KDM5A: variants seen among roughly 807,000 people sequenced by gnomAD.
The protein encoded by KDM5A is lysine-specific demethylase 5A.
A neutral mutation model predicts 193.5 loss-of-function variants in KDM5A; 42 were observed. The observed-to-expected ratio is 0.22, with a 90% CI of 0.17 to 0.28. The LOEUF is 0.28. KDM5A is among the 10% of genes least tolerant of loss of function. The probability of loss-of-function intolerance (pLI) is 1.00; values close to 1 mark genes in which losing one functional copy is unlikely to be tolerated. For synonymous variants in KDM5A, 796 were observed against 718.1 expected, an observed-to-expected ratio of 1.11 and a Z score of -1.73; for missense variants, 1,692 against 2,055.1, an observed-to-expected ratio of 0.82 and a Z score of 3.42.
Position 289,903 on chromosome 12 carries a change from C to CTTTTTTTTTTTTT in KDM5A, c.4866+2855_4866+2856insAAAAAAAAAAAAA, listed in dbSNP as rs1943269398. 2.8e-5 allele frequency among the ~76,000 whole-genome samples: 3 copies of CTTTTTTTTTTTTT among 106,736 alleles called. 1 individual carries two copies. The highest frequency in any genetic ancestry group is 1.2e-4 in the African/African-American group (3 of 25,138). 70.0% of individuals were successfully genotyped at this position (106,736 alleles called of 152,430 possible). On this transcript the variant is annotated intron_variant, in intron 27 of 27. Coordinates refer to ENST00000399788, the MANE Select transcript of KDM5A (RefSeq NM_001042603.3). Reference sequence around the variant, plus strand: ...GGCTAAAAAGCATGATTTTTTCTTTCTTTCTTTTTTTTTTTTTTTTTTTTT... The same window carrying CTTTTTTTTTTTTT: ...GGCTAAAAAGCATGATTTTTTCTTTCTTTTTTTTTTTTTTTTCTTTTTTTTTTTTTTTTTTTTT...
rs1241033764 is a variant in KDM5A, at chr12:309,897, T to C, written c.3284A>G (p.Glu1095Gly). ...CTTTTCTTTTTCTTTTTCTATTAGT[T>C]CTTTTACTTTTTTCCTCCTATTTTT... Reference protein sequence around the residue: ...SGKNRRKKVKELIEKEKEKDL... With the variant: ...SGKNRRKKVKGLIEKEKEKDL... The change falls in exon 22 of 28, where the codon GAA becomes GGA. Residue 1095 changes from glutamate (E) to glycine (G), a missense_variant. By Grantham distance (98) the Glu-to-Gly change is moderately conservative (BLOSUM62 -2). Transcript: ENST00000399788. The C allele has an allele frequency of 2.5e-6, 4 of 1,613,566 alleles. No individual in the cohort carries two copies. Among genetic ancestry groups the C allele is most frequent in the Admixed American group, 1.7e-5 (1 of 59,968 alleles).
chr12:339,814 C>T (rs1357205429), intron 10 of KDM5A, among the ~76,000 whole-genome samples: 2 of 151,728 alleles, frequency 1.3e-5, no homozygotes, highest in East Asian at 1.9e-4. Context: ...ATAACCTCCA[C>T]CTACACCAAA....
At chr12:375,797 C>T (rs1376795767) in intron 3 of KDM5A, among the ~76,000 whole-genome samples, 3 of 152,198 alleles carry the variant, frequency 2.0e-5, no homozygotes, top group Non-Finnish European at 2.9e-5. Flanking sequence ...TTCCTTCTAA[C>T]AGTCAGGACC....
rs2137507684 is a variant in KDM5A, at chr12:388,972, C to T, written c.120G>A (p.Arg40=). 6.2e-7 allele frequency: 1 copy of T among 1,614,226 alleles called. No homozygotes were observed. Residue 40 remains arginine, a synonymous_variant, in exon 1 of 28, where the codon CGG becomes CGA. Coordinates refer to ENST00000399788, the MANE Select transcript of KDM5A (RefSeq NM_001042603.3). The stretch of plus-strand genomic sequence containing the variant: ...AGATGCCGGTTTTCTCCGCCAAAGG[C>T]CGGATGCGGCCGATAAAGCTGAGCG... ...TDPLSFIGRI[R]PLAEKTGICK...
At chr12:372,231 G>C (rs1365370670) in intron 3 of KDM5A, among the ~76,000 whole-genome samples, 2 of 152,180 alleles carry the variant, frequency 1.3e-5, no homozygotes, top group African/African-American at 2.4e-5. Context: ...CTATCCATGA[G>C]CATGGAATAT....
chr12:333,390 G>A (rs1463618534), intron 12 of KDM5A, 97 bp downstream of exon 12: 1 of 1,374,926 alleles, frequency 7.3e-7, no homozygotes, highest in Non-Finnish European at 1.0e-6. Flanking sequence ...CTGCACTCCA[G>A]CCTGGGCAAC....
chr12:354,492 G>A (rs2137455106), intron 7 of KDM5A, among the ~76,000 whole-genome samples: 1 of 152,268 alleles, frequency 6.6e-6, no homozygotes, highest in South Asian at 2.1e-4. Context: ...CTACAGGCCA[G>A]GCACAGTGGC....
Position 329,294 on chromosome 12 carries a change from T to A in KDM5A, c.1774-265A>T, listed in dbSNP as rs1591915849. The A allele has an allele frequency of 6.3e-6, 3 of 475,974 alleles. No individual in the cohort carries two copies. In the East Asian group the frequency reaches 1.2e-4, roughly 19 times the overall value. 29.5% of individuals were successfully genotyped at this position (475,974 alleles called of 1,614,324 possible). On this transcript the variant is annotated intron_variant, in intron 13 of 27. Coordinates refer to ENST00000399788, the MANE Select transcript of KDM5A (RefSeq NM_001042603.3). ...CTGCTAATTTTCTATTTATTGTATA[T>A]CAAGAAGGAGTTCTTTGGTATATAA...
chr12:341,518 C>T (rs186274652), intron 10 of KDM5A, among the ~76,000 whole-genome samples: 4 of 151,828 alleles, frequency 2.6e-5, no homozygotes, highest in Non-Finnish European at 5.9e-5. Flanking sequence ...AACCAAATAA[C>T]ACTAAAAACT....
chr12:295,767 G>A lies in KDM5A; in HGVS notation c.4261C>T (p.Arg1421Trp), dbSNP rs1385893760. Residue 1421 changes from arginine (R) to tryptophan (W), a missense_variant, in exon 26 of 28, where the codon CGG becomes TGG. By Grantham distance (101) the Arg-to-Trp change is moderately radical. Around this residue, in one of 11 missense-constraint regions of KDM5A, gnomAD observed 965 missense variants for 1,061.0 expected, o/e 0.91. Transcript: ENST00000399788. ...CTTCGGGGCACCAAAGGGCTCTTCC[G>A]AGGTTGTTTCCTTGGGGTGCTAGAA... ...QGSSTPRKQP[R>W]KSPLVPRSLE... 3 of 1,614,032 alleles carry A rather than the reference G, an allele frequency of 1.9e-6. No homozygotes were observed. Among genetic ancestry groups the A allele is most frequent in the East Asian group, 2.2e-5 (1 of 44,874 alleles).
chr12:353,203 C>T (rs960138239), intron 8 of KDM5A, among the ~76,000 whole-genome samples: 1 of 151,994 alleles, frequency 6.6e-6, no homozygotes, highest in African/African-American at 2.4e-5. Context: ...ATTAGCTGGG[C>T]GTGGTGGCAT....
Position 366,054 on chromosome 12 carries a change from C to A in KDM5A, c.417G>T (p.Trp139Cys), listed in dbSNP as rs1944353777. The change falls in exon 4 of 28, where the codon TGG (tryptophan) becomes TGT (cysteine). Residue 139 changes from tryptophan (W) to cysteine (C), a missense_variant. Transcript: ENST00000399788. ...GFEMVTKEKK[W>C]SKVGSRLGYL... ...ATCCCAAGCGACTACCCACTTTAGA[C>A]CATTTCTTCTCTTTGGTGACCATTT... 6.2e-7 allele frequency: 1 copy of A among 1,614,064 alleles called. No homozygotes were observed. Among genetic ancestry groups the A allele is most frequent in the Non-Finnish European group, 8.5e-7 (1 of 1,179,900 alleles).
intron 10 of KDM5A, 73 bp downstream of exon 10, chr12:350,548 A>T: frequency 7.2e-7 from 1 of 1,395,020 alleles, no homozygotes; most frequent in Non-Finnish European, 1.0e-6. Flanking sequence ...AGTTAATGTG[A>T]TCCCTTAAGA....
At position 280,130 on chromosome 12, in the gene KDM5A, G is replaced by A. The variant is rs1565519088; in HGVS notation, c.*5326C>T. The A allele has an allele frequency of 4.3e-6, 1 of 230,464 alleles. No homozygotes were observed. Among genetic ancestry groups the A allele is most frequent in the Non-Finnish European group, 8.6e-6 (1 of 116,372 alleles). 14.3% of individuals were successfully genotyped at this position (230,464 alleles called of 1,614,324 possible). A position where few individuals can be genotyped will look rare whatever the true frequency, so the allele number is the denominator to read the frequency against. On this transcript the variant is annotated 3_prime_UTR_variant, in exon 28 of 28. Coordinates refer to ENST00000399788, the MANE Select transcript of KDM5A (RefSeq NM_001042603.3). Reference sequence around the variant, plus strand: ...ACAGAACATACAAGTGAGAAGGGGTGAAGAGAGTGAAATTCCAAAATCACT... The same window carrying A: ...ACAGAACATACAAGTGAGAAGGGGTAAAGAGAGTGAAATTCCAAAATCACT...
chr12:323,234 A>AAG, intron 15 of KDM5A, 28 bp from the exon 16 acceptor site: 1 of 1,500,906 alleles, frequency 6.7e-7, no homozygotes, highest in Non-Finnish European at 8.9e-7. Flanking sequence ...AAAAAAAAAA[A>AAG]AAAAAGAAAA....
chr12:383,990 A>G, intron 3 of KDM5A, 41 bp downstream of exon 3: 1 of 1,602,738 alleles, frequency 6.2e-7, no homozygotes, highest in South Asian at 1.1e-5. Flanking sequence ...TCCTAAATTC[A>G]CAAGCCTGTG....
intron 17 of KDM5A, among the ~76,000 whole-genome samples, chr12:321,864 T>C (rs1036834346): frequency 2.0e-5 from 3 of 152,196 alleles, no homozygotes; most frequent in Non-Finnish European, 4.4e-5. Flanking sequence ...GGCATTGTTC[T>C]AAGCACAAGA....
intron 22 of KDM5A, among the ~76,000 whole-genome samples, chr12:309,589 G>C (rs555903063): frequency 7.9e-5 from 12 of 152,054 alleles, no homozygotes; most frequent in Non-Finnish European, 1.8e-4. Flanking sequence ...AAAGAACAGA[G>C]GTATGGAAAA....
At chr12:363,225 T>C (rs533626909) in intron 4 of KDM5A, 128 bp from the exon 5 acceptor site, 13 of 1,063,294 alleles carry the variant, frequency 1.2e-5, no homozygotes, top group African/African-American at 3.1e-5. Context: ...CAAACTGACA[T>C]ACAGCTATCC....
Sources: gnomAD v4.1 joint callset for allele counts (sites outside exome capture counted in the v4.1 genomes callset) on GRCh38, gnomAD v4.1.1 for gene constraint, gnomAD v4.1.1 regional missense constraint, MANE v1.5 for transcripts, NCBI Gene and HGNC (gene_info 2026-07-23, HGNC 2026-07-21) for gene names.